Variants in BMP1 observed in about 807,000 individuals in gnomAD.
The protein encoded by BMP1 is mammalian tolloid protein.
Under a neutral mutation model 116.8 loss-of-function variants are expected in BMP1, and 63 were observed. The ratio of observed to expected loss-of-function variants is 0.54; its 90% confidence interval spans 0.44 to 0.67. BMP1 has a LOEUF of 0.67. Ranked by LOEUF, BMP1 falls within the 30% of genes least tolerant of loss-of-function variation. The pLI is 0.00. For missense variants in BMP1, 1,183 were observed against 1,358.9 expected (o/e 0.87, Z 2.04); for synonymous variants, 536 against 533.4 (o/e 1.00, Z -0.07).
intron 13 of BMP1, among the ~76,000 whole-genome samples, 193 bp downstream of exon 13, chr8:22,195,780 G>C (rs1178434323): frequency 2.6e-5 from 4 of 152,076 alleles, no homozygotes; most frequent in Non-Finnish European, 4.4e-5. Context: ...CCAAGTAGCT[G>C]GGACTACAGG....
chr8:22,180,952 C>G (rs1029311742), intron 8 of BMP1, among the ~76,000 whole-genome samples: 1 of 152,252 alleles, frequency 6.6e-6, no homozygotes, highest in Admixed American at 6.5e-5. Context: ...AGCTCTCATC[C>G]GTCTCATCAG....
At chr8:22,176,894 C>A in intron 4 of BMP1, 67 bp from the exon 5 acceptor site, 1 of 1,357,530 alleles carries the variant, frequency 7.4e-7, no homozygotes, top group Non-Finnish European at 1.0e-6. Flanking sequence ...GGCAGCCTGG[C>A]CCCGCCCCTG....
chr8:22,176,858 C>T, intron 4 of BMP1, 103 bp from the exon 5 acceptor site: 1 of 1,099,808 alleles, frequency 9.1e-7, no homozygotes, highest in South Asian at 1.5e-5. Flanking sequence ...CACCCCTCCC[C>T]TTCGCTCCCC....
Position 22,175,345 on chromosome 8 carries a change from G to A in BMP1, c.263-798G>A, listed in dbSNP as rs192228440. On this transcript the variant is annotated intron_variant, in intron 2 of 19. Coordinates refer to ENST00000306385, the MANE Select transcript of BMP1 (RefSeq NM_006129.5). ...AATGTCAAGGTTTATTCAATGAGAAGGGATATTTTCCTAATCTCAGATCCC... is the reference window on the plus strand; with the variant it reads ...AATGTCAAGGTTTATTCAATGAGAAAGGATATTTTCCTAATCTCAGATCCC... Among the ~76,000 whole-genome samples, 476 of 152,310 alleles carry A rather than the reference G, an allele frequency of 3.1e-3. 2 individuals are homozygous for A. Among genetic ancestry groups the A allele is most frequent in the African/African-American group, 0.011 (453 of 41,560 alleles).
intron 17 of BMP1, 118 bp downstream of exon 17, chr8:22,207,099 A>G (rs749198694): frequency 1.4e-4 from 208 of 1,504,338 alleles, no homozygotes; most frequent in Non-Finnish European, 1.6e-4. Context: ...GGAGACCCCA[A>G]GTCTGGCCTG....
intron 1 of BMP1, among the ~76,000 whole-genome samples, chr8:22,165,926 T>TGTGTGTGTGTGTGTGTGTGTGTGTGTGTG (rs56227111): frequency 1.3e-5 from 2 of 149,604 alleles, no homozygotes; most frequent in African/African-American, 4.9e-5. Context: ...TGTGTGTGTG[T>TGTGTGTGTGTGTGTGTGTGTGTGTGTGTG]TCTTTCCCCT....
chr8:22,168,897 G>A (rs1001217804), intron 1 of BMP1, among the ~76,000 whole-genome samples: 5 of 152,198 alleles, frequency 3.3e-5, no homozygotes, highest in African/African-American at 7.2e-5. Context: ...TAGGCAGGGG[G>A]CAGTGGCTCA....
At chr8:22,197,876 A>G (rs1829137515) in intron 15 of BMP1, among the ~76,000 whole-genome samples, 1 of 152,154 alleles carries the variant, frequency 6.6e-6, no homozygotes, top group Non-Finnish European at 1.5e-5. Context: ...ATAGGTTCAC[A>G]CTGGGGCCTT....
In BMP1 at chr8:22,183,670, G is replaced by A. The variant is rs142392522; in HGVS notation, c.1077+3187G>A. On this transcript the variant is annotated intron_variant, in intron 8 of 19. Coordinates refer to ENST00000306385, the MANE Select transcript of BMP1 (RefSeq NM_006129.5). ...TGCCCAGGCTGGAGTGCAATGGCAC[G>A]ATCTCAGCTCACCGCAACCTCCTCA... is the stretch of plus-strand genomic sequence containing the variant. Among the ~76,000 whole-genome samples the A allele has an allele frequency of 6.8e-3, 1,038 of 151,846 alleles. 10 individuals carry two copies. Among genetic ancestry groups the A allele is most frequent in the African/African-American group, 0.024 (985 of 41,368 alleles).
At chr8:22,181,984 G>A (rs574510762) in intron 8 of BMP1, among the ~76,000 whole-genome samples, 3 of 152,238 alleles carry the variant, frequency 2.0e-5, no homozygotes, top group African/African-American at 7.2e-5. Context: ...CTAATGTGGG[G>A]AGGCTACTCC....
At chr8:22,208,499 G>A (rs1238689092) in intron 18 of BMP1, among the ~76,000 whole-genome samples, 2 of 152,210 alleles carry the variant, frequency 1.3e-5, no homozygotes. Context: ...AGGCACCCCG[G>A]CCTAACTGGG....
intron 2 of BMP1, among the ~76,000 whole-genome samples, chr8:22,175,816 C>CA (rs1343128934): frequency 6.6e-6 from 1 of 151,982 alleles, no homozygotes; most frequent in Non-Finnish European, 1.5e-5. Flanking sequence ...ACAAAGCGCA[C>CA]AAAAACACAA....
At chr8:22,174,833 G>A (rs983564697) in intron 2 of BMP1, among the ~76,000 whole-genome samples, 1 of 151,892 alleles carries the variant, frequency 6.6e-6, no homozygotes, top group Non-Finnish European at 1.5e-5. Context: ...GGGATGTCAC[G>A]GTGTTGGCCA....
At chr8:22,201,627 C>T in intron 15 of BMP1, 176 bp from the exon 16 acceptor site, 7 of 1,361,006 alleles carry the variant, frequency 5.1e-6, no homozygotes, top group Non-Finnish European at 6.8e-6. Context: ...ATGCAGTGCC[C>T]CTTTGGACCC....
rs1186508293 is a variant in BMP1, at chr8:22,177,901, G to T, written c.780G>T (p.Leu260=). ...LKMEPQEVES[L]GETYDFDSIM... ...TGGAGCCTCAGGAGGTGGAGTCCCTGGGGGAGACCTATGACTTCGACAGCA... is the reference window on the plus strand; with the variant it reads ...TGGAGCCTCAGGAGGTGGAGTCCCTTGGGGAGACCTATGACTTCGACAGCA... The change falls in exon 6 of 20, where the codon CTG becomes CTT. Residue 260 remains leucine (L), a synonymous_variant. Coordinates refer to ENST00000306385, the MANE Select transcript of BMP1 (RefSeq NM_006129.5). The T allele has an allele frequency of 6.2e-7, 1 of 1,613,662 alleles. No homozygotes were observed. Among genetic ancestry groups the T allele is most frequent in the Non-Finnish European group, 8.5e-7 (1 of 1,179,686 alleles).
In BMP1 at chr8:22,206,994, C is replaced by A. The variant is rs964118472; in HGVS notation, c.2361+13C>A. The A allele has an allele frequency of 6.2e-7, 1 of 1,613,688 alleles. No individual in the cohort carries two copies. Among genetic ancestry groups the A allele is most frequent in the Non-Finnish European group, 8.5e-7 (1 of 1,179,846 alleles). On this transcript the variant is annotated intron_variant, in intron 17 of 19. Transcript: ENST00000306385. Reference sequence around the variant, plus strand: ...CCGGGTCAAGCTGGTAAGGGGTCCCCTCCCCACTCCTTATGCGGTGTGGCT... The same window carrying A: ...CCGGGTCAAGCTGGTAAGGGGTCCCATCCCCACTCCTTATGCGGTGTGGCT...
intron 15 of BMP1, chr8:22,201,228 T>C (rs1366681017): frequency 3.1e-6 from 5 of 1,600,854 alleles, no homozygotes; most frequent in Non-Finnish European, 4.3e-6. Context: ...CCCGGACCCC[T>C]TGTTACTCAG....
chr8:22,173,647 C>T lies in BMP1; in HGVS notation c.194C>T (p.Ala65Val). ...DIALDEEDLRAFQVQQAVDLR... is the reference protein window; with the variant it reads ...DIALDEEDLRVFQVQQAVDLR... Reference sequence around the variant, plus strand: ...GCCCTGGACGAAGAGGACCTGAGGGCCTTCCAGGTACAGCAGGCTGTGGAT... The same window carrying T: ...GCCCTGGACGAAGAGGACCTGAGGGTCTTCCAGGTACAGCAGGCTGTGGAT... The change falls in exon 2 of 20, where the codon GCC becomes GTC. Residue 65 changes from alanine (A) to valine (V), a missense_variant. Transcript: ENST00000306385. 1 of 1,613,650 alleles carries T rather than the reference C, an allele frequency of 6.2e-7. No individual in the cohort carries two copies. Among genetic ancestry groups the T allele is most frequent in the Non-Finnish European group, 8.5e-7 (1 of 1,179,768 alleles).
intron 15 of BMP1, among the ~76,000 whole-genome samples, chr8:22,200,492 G>A (rs375389400): frequency 6.6e-6 from 1 of 152,262 alleles, no homozygotes; most frequent in East Asian, 1.9e-4. Context: ...ACACAGGCTG[G>A]GCGGGCAAGT....
Sources: allele counts gnomAD v4.1 joint callset (sites outside exome capture counted in the v4.1 genomes callset), GRCh38; gene constraint gnomAD v4.1.1; transcripts MANE v1.5; gene names NCBI Gene and HGNC (gene_info 2026-07-23, HGNC 2026-07-21).